TFRC: variants seen among roughly 807,000 people sequenced by gnomAD.
The protein encoded by TFRC is transferrin receptor protein 1.
Under a neutral mutation model 85.8 loss-of-function variants are expected in TFRC, and 35 were observed. The ratio of observed to expected loss-of-function variants is 0.41; its 90% confidence interval spans 0.31 to 0.54. The LOEUF is 0.54. Ranked by LOEUF, TFRC falls within the 20% of genes least tolerant of loss-of-function variation. TFRC has a pLI of 0.31. For synonymous variants in TFRC, 362 were observed against 328.6 expected, an observed-to-expected ratio of 1.10 and a Z score of -1.10; for missense variants, 828 against 921.5, an observed-to-expected ratio of 0.90 and a Z score of 1.31.
Position 196,055,087 on chromosome 3 carries a change from T to C in TFRC, c.1892A>G (p.Asp631Gly). 1.2e-6 allele frequency: 2 copies of C among 1,614,074 alleles called. No individual in the cohort carries two copies. The highest frequency in any genetic ancestry group is 1.7e-6 in the Non-Finnish European group (2 of 1,179,994). ...ATTGGAATCAGTGCTCACCTTTATG[T>C]CTGCTCTGTATTGGTTCAGATCCCT... ...FVRDLNQYRADIKEMGLSLQW... is the reference protein window; with the variant it reads ...FVRDLNQYRAGIKEMGLSLQW... Residue 631 changes from aspartate (D) to glycine (G), a missense_variant, in exon 17 of 19, where the codon GAC becomes GGC. Transcript: ENST00000360110.
intron 14 of TFRC, chr3:196,058,878 G>A (rs973240809): frequency 7.7e-6 from 2 of 261,234 alleles, no homozygotes; most frequent in Non-Finnish European, 1.5e-5. Context: ...TTTTAAAAGT[G>A]GGCCTAGGCC....
At chr3:196,077,193 G>T in intron 1 of TFRC, 71 bp from the exon 2 acceptor site, 1 of 1,051,842 alleles carries the variant, frequency 9.5e-7, no homozygotes, top group Non-Finnish European at 1.4e-6. Context: ...CTATTACCAG[G>T]CTAAATGATA....
rs567606434 is a variant in TFRC at position 196,050,207 on chromosome 3, A to T, written c.*1735T>A. 9 of 226,154 alleles carry T rather than the reference A, an allele frequency of 4.0e-5. No individual in the cohort carries two copies. In the South Asian group the frequency reaches 5.5e-4, roughly 14 times the overall value. The allele number at this position is 226,154 out of a possible 1,614,324, so 14.0% of individuals were successfully genotyped here. A position where few individuals can be genotyped will look rare whatever the true frequency, so the allele number is the denominator to read the frequency against. On this transcript the variant is annotated 3_prime_UTR_variant, in exon 19 of 19. Coordinates refer to ENST00000360110, the MANE Select transcript of TFRC (RefSeq NM_001128148.3). ...GTGATAAAGTTAAAATGACTTGTCAATAGCAAACATTATAAATGTATGCTA... is the reference window on the plus strand; with the variant it reads ...GTGATAAAGTTAAAATGACTTGTCATTAGCAAACATTATAAATGTATGCTA...
chr3:196,068,227 G>A, intron 7 of TFRC, 97 bp from the exon 8 acceptor site: 3 of 724,368 alleles, frequency 4.1e-6, no homozygotes, highest in Non-Finnish European at 4.5e-6. Flanking sequence ...TGGTTACAGA[G>A]GACTAAACTT....
At chr3:196,071,340 T>C (rs1229915273) in intron 6 of TFRC, 56 bp downstream of exon 6, 1 of 1,464,442 alleles carries the variant, frequency 6.8e-7, no homozygotes, top group Non-Finnish European at 9.5e-7. Flanking sequence ...ACAGAAAAGA[T>C]GAGTTTTGAA....
At chr3:196,056,816 T>TA (rs373007296) in intron 16 of TFRC, among the ~76,000 whole-genome samples, 175 of 152,248 alleles carry the variant, frequency 1.1e-3, no homozygotes, top group South Asian at 7.7e-3. Context: ...ATGCAATAAT[T>TA]ACATGTGTAT....
chr3:196,072,046 C>T lies in TFRC; in HGVS notation c.541G>A (p.Val181Ile), dbSNP rs1718254952. Residue 181 changes from valine to isoleucine, a missense_variant, in exon 5 of 19, where the codon GTC becomes ATC. Physicochemically the swap from Val to Ile is conservative, Grantham distance 29. Coordinates refer to ENST00000360110, the MANE Select transcript of TFRC (RefSeq NM_001128148.3). ...TTAACAAAATGTTGATCACGCCAGA[C>T]TTTGCTGAGTTTAAATTCACGAAAT... Reference protein sequence around the residue: ...NQFREFKLSKVWRDQHFVKIQ... With the variant: ...NQFREFKLSKIWRDQHFVKIQ... The T allele has an allele frequency of 6.2e-7, 1 of 1,614,058 alleles. No homozygotes were observed. The highest frequency in any genetic ancestry group is 1.1e-5 in the South Asian group (1 of 91,060).
intron 18 of TFRC, among the ~76,000 whole-genome samples, 174 bp downstream of exon 18, chr3:196,053,244 G>C (rs776916663): frequency 6.6e-6 from 1 of 152,206 alleles, no homozygotes; most frequent in Non-Finnish European, 1.5e-5. Context: ...AAAAAGACTA[G>C]GTTTGACTAA....
chr3:196,065,850 C>CATGG, intron 9 of TFRC, among the ~76,000 whole-genome samples: 1 of 152,068 alleles, frequency 6.6e-6, no homozygotes, highest in Non-Finnish European at 1.5e-5. Context: ...ATTAACTGGG[C>CATGG]ATGGTGGCAT....
intron 18 of TFRC, 35 bp from the exon 19 acceptor site, chr3:196,052,219 C>T (rs1263722007): frequency 6.3e-7 from 1 of 1,595,966 alleles, no homozygotes; most frequent in South Asian, 1.1e-5. Flanking sequence ...TTTACACAGC[C>T]CTGTGACTTT....
At position 196,062,393 on chromosome 3, in the gene TFRC, T is replaced by A. The variant is rs1004695358; in HGVS notation, c.1468+189A>T. 38 of 566,738 alleles carry A rather than the reference T, an allele frequency of 6.7e-5. No homozygotes were observed. The African/African-American group carries it at 7.1e-4, about 11-fold the overall frequency. The allele number at this position is 566,738 out of a possible 1,614,324, so 35.1% of individuals were successfully genotyped here. A position where few individuals can be genotyped will look rare whatever the true frequency, so the allele number is the denominator to read the frequency against. On this transcript the variant is annotated intron_variant, in intron 13 of 18. Coordinates refer to ENST00000360110, the MANE Select transcript of TFRC (RefSeq NM_001128148.3). ...CTAAAAATACAAAAAATTAGCTGGG[T>A]GTGGTAGTGAGCACCTGTAATCCCA... is the stretch of plus-strand genomic sequence containing the variant.
Position 196,060,180 on chromosome 3 carries a change from A to G in TFRC, c.1536T>C (p.Asn512=), listed in dbSNP as rs1717151808. ...LYTLIEKTMQ[N]VKHPVTGQFL... is the part of the protein sequence containing the mutation. Reference sequence around the variant, plus strand: ...TTTTTGTAATGAGGTATATACTCACATTTTGCATTGTTTTCTCAATAAGCG... The same window carrying G: ...TTTTTGTAATGAGGTATATACTCACGTTTTGCATTGTTTTCTCAATAAGCG... Residue 512 remains asparagine (N), a splice_region_variant and synonymous_variant, in exon 14 of 19, where the codon AAT becomes AAC. Coordinates refer to ENST00000360110, the MANE Select transcript of TFRC (RefSeq NM_001128148.3). 6 of 1,613,402 alleles carry G rather than the reference A, an allele frequency of 3.7e-6. No individual in the cohort carries two copies. In the East Asian group the frequency reaches 1.3e-4, roughly 36 times the overall value.
rs373764388 is a variant in TFRC at position 196,052,133 on chromosome 3, G to A, written c.2092C>T (p.Arg698Ter). The A allele has an allele frequency of 3.7e-6, 6 of 1,613,810 alleles. No individual in the cohort carries two copies. The highest frequency in any genetic ancestry group is 1.7e-5 in the Admixed American group (1 of 59,952). ...GAGCCGGAGCCCCAGAAGACATGTCGGAAAGGAGACTCTTTTGGAGATACG... is the reference window on the plus strand; with the variant it reads ...GAGCCGGAGCCCCAGAAGACATGTCAGAAAGGAGACTCTTTTGGAGATACG... Reference protein sequence around the residue: ...PYVSPKESPFRHVFWGSGSHT... With the variant: ...PYVSPKESPF Residue 698 changes from arginine (R) to a stop codon, truncating the protein, a stop_gained, in exon 19 of 19, where the codon CGA (arginine) becomes TGA (stop). Coordinates refer to ENST00000360110, the MANE Select transcript of TFRC (RefSeq NM_001128148.3). LOFTEE classifies it high-confidence loss of function.
At chr3:196,059,267 T>C (rs1326126408) in intron 14 of TFRC, among the ~76,000 whole-genome samples, 2 of 152,158 alleles carry the variant, frequency 1.3e-5, no homozygotes, top group African/African-American at 4.8e-5. Context: ...TGAGCCAAGA[T>C]CGCACCATTG....
chr3:196,054,630 G>A (rs912279104), intron 17 of TFRC, among the ~76,000 whole-genome samples: 1 of 152,206 alleles, frequency 6.6e-6, no homozygotes, highest in Admixed American at 6.5e-5. Context: ...AGTAGCTGGG[G>A]CTACGGGTAT....
rs1717190844 is a variant in TFRC at position 196,060,584 on chromosome 3, G to T, written c.1469-337C>A. ...GAGGCCCAGACGGGTGGATCACAAG[G>T]TCAGGAGATCGAGACCATCTTGGCT... On this transcript the variant is annotated intron_variant, in intron 13 of 18. Transcript: ENST00000360110. The T allele has an allele frequency of 3.9e-5, 8 of 203,020 alleles. 1 individual carries two copies. In the South Asian group the frequency reaches 6.1e-4, roughly 16 times the overall value. The allele number at this position is 203,020 out of a possible 1,614,324, so 12.6% of individuals were successfully genotyped here. A position where few individuals can be genotyped will look rare whatever the true frequency, so the allele number is the denominator to read the frequency against.
Position 196,051,942 on chromosome 3 carries a change from T to G in TFRC, c.2283A>C (p.Ter761TyrextTer2). The G allele has an allele frequency of 6.2e-7, 1 of 1,614,078 alleles. No individual in the cohort carries two copies. Among genetic ancestry groups the G allele is most frequent in the Non-Finnish European group, 8.5e-7 (1 of 1,179,982 alleles). The change falls in exon 19 of 19, where the codon TAA (stop) becomes TAC (tyrosine). Residue 761 changes from the stop codon to tyrosine (Y), a stop_lost. Coordinates refer to ENST00000360110, the MANE Select transcript of TFRC (RefSeq NM_001128148.3). ...CTCATGGAAGCTATGGGTATCACAT[T>G]TAAAACTCATTGTCAATGTCCCAAA... is the stretch of plus-strand genomic sequence containing the variant. ...GDVWDIDNEF[*>Y]
intron 1 of TFRC, among the ~76,000 whole-genome samples, chr3:196,078,193 T>TA (rs1177362491): frequency 6.6e-6 from 1 of 152,152 alleles, no homozygotes; most frequent in Non-Finnish European, 1.5e-5. Flanking sequence ...GGCATCTAGA[T>TA]ACTTGAAAAT....
chr3:196,057,316 C>G (rs776629286), intron 16 of TFRC, among the ~76,000 whole-genome samples: 8 of 152,136 alleles, frequency 5.3e-5, no homozygotes, highest in Admixed American at 2.6e-4. Flanking sequence ...GTTCTAATTA[C>G]CGGTGCATGC....
Sources: allele counts gnomAD v4.1 joint callset (sites outside exome capture counted in the v4.1 genomes callset), GRCh38; gene constraint gnomAD v4.1.1; transcripts MANE v1.5; gene names NCBI Gene and HGNC (gene_info 2026-07-23, HGNC 2026-07-21).